Variants in C3orf70 observed in about 807,000 individuals in gnomAD.
C3orf70 encodes chromosome 3 open reading frame 70.
Under a neutral mutation model 20.7 loss-of-function variants are expected in C3orf70, and 15 were observed. The ratio of observed to expected loss-of-function variants is 0.72; its 90% CI spans 0.48 to 1.11. C3orf70 has a LOEUF of 1.11. Ranked by LOEUF, C3orf70 falls within the 50% of genes most tolerant of loss-of-function variation. The pLI is 0.00. For missense variants in C3orf70, 332 were observed against 317.6 expected, an observed-to-expected ratio of 1.05 and a Z score of -0.34; for synonymous variants, 161 against 125.7, an observed-to-expected ratio of 1.28 and a Z score of -1.88.
intron 1 of C3orf70, among the ~76,000 whole-genome samples, chr3:185,105,215 G>A (rs1313388265): frequency 2.0e-5 from 3 of 152,198 alleles, no homozygotes; most frequent in Non-Finnish European, 4.4e-5. Flanking sequence ...TTGGGAGCAG[G>A]CCCCCCAAAA....
chr3:185,090,300 G>GAA (rs1267131208), intron 1 of C3orf70, among the ~76,000 whole-genome samples: 1 of 152,096 alleles, frequency 6.6e-6, no homozygotes, highest in Non-Finnish European at 1.5e-5. Flanking sequence ...AACAAATATA[G>GAA]AAAATAAAAT....
chr3:185,151,628 A>C (rs568835023), intron 1 of C3orf70, among the ~76,000 whole-genome samples: 2 of 152,352 alleles, frequency 1.3e-5, no homozygotes, highest in South Asian at 4.1e-4. Flanking sequence ...TAATGTAAAT[A>C]AGGATTTGTT....
chr3:185,086,687 C>T (rs1377461554), intron 1 of C3orf70, among the ~76,000 whole-genome samples: 1 of 152,158 alleles, frequency 6.6e-6, no homozygotes, highest in African/African-American at 2.4e-5. Context: ...AGAAATGCAG[C>T]TGGGTGAGGA....
chr3:185,112,281 T>G (rs1395720760), intron 1 of C3orf70, among the ~76,000 whole-genome samples: 1 of 152,100 alleles, frequency 6.6e-6, no homozygotes, highest in Admixed American at 6.6e-5. Flanking sequence ...TAGAGCGAGA[T>G]TCTGTATCAA....
intron 1 of C3orf70, among the ~76,000 whole-genome samples, chr3:185,084,684 T>C (rs945846435): frequency 2.0e-5 from 3 of 152,196 alleles, no homozygotes; most frequent in African/African-American, 2.4e-5. Flanking sequence ...TCCCACATAG[T>C]TGACATGGAA....
chr3:185,130,112 C>T (rs746683234), intron 1 of C3orf70, among the ~76,000 whole-genome samples: 1 of 152,082 alleles, frequency 6.6e-6, no homozygotes, highest in Non-Finnish European at 1.5e-5. Flanking sequence ...GTCAATTATT[C>T]ACAAATTCAT....
In C3orf70 at chr3:185,081,425, AAATT is replaced by A. The variant is rs1715334614; in HGVS notation, c.*1578_*1581del. 1 of 152,180 alleles carries A rather than the reference AAATT, an allele frequency of 6.6e-6. No individual in the cohort carries two copies. The highest frequency in any genetic ancestry group is 1.5e-5 in the Non-Finnish European group (1 of 68,102). 9.4% of individuals were successfully genotyped at this position (152,180 alleles called of 1,614,324 possible). ...GGGAAACTCCATCTCAAAAAAAAAA[AAATT>A]AATGTGACGTAGAGATGTACCATAA... On this transcript the variant is annotated 3_prime_UTR_variant, in exon 2 of 2. Coordinates refer to ENST00000335012, the MANE Select transcript of C3orf70 (RefSeq NM_001025266.3).
chr3:185,126,836 C>T (rs747960593), intron 1 of C3orf70, among the ~76,000 whole-genome samples: 21 of 152,094 alleles, frequency 1.4e-4, no homozygotes, highest in Non-Finnish European at 2.9e-4. Context: ...CAAAACAAGC[C>T]CTGGAGAGAT....
rs560394998 is a variant in C3orf70, at chr3:185,144,353, C to T, written c.196+8275G>A. 7.2e-5 allele frequency among the ~76,000 whole-genome samples: 11 copies of T among 152,286 alleles called. No homozygotes were observed. In the South Asian group the frequency reaches 2.1e-3, roughly 29 times the overall value. ...ACACGAAGTCTGACTCCAGTGCCTG[C>T]CATCAGGACATCTACATTACCTAGT... On this transcript the variant is annotated intron_variant, in intron 1 of 1. Coordinates refer to ENST00000335012, the MANE Select transcript of C3orf70 (RefSeq NM_001025266.3).
intron 1 of C3orf70, among the ~76,000 whole-genome samples, chr3:185,088,844 C>T (rs1014376926): frequency 3.9e-5 from 6 of 152,158 alleles, no homozygotes; most frequent in Non-Finnish European, 8.8e-5. Context: ...TTTTAAACCA[C>T]ACACCATGAT....
At position 185,082,995 on chromosome 3, in the gene C3orf70, C is replaced by G. The variant is rs1237807160; in HGVS notation, c.*12G>C. 6.2e-7 allele frequency: 1 copy of G among 1,606,978 alleles called. No homozygotes were observed. The highest frequency in any genetic ancestry group is 8.5e-7 in the Non-Finnish European group (1 of 1,175,874). ...GGCGTGGGTCCGAGGCTGTGGCTTC[C>G]TGTCTGGACTCTCACACAGTCGTTT... On this transcript the variant is annotated 3_prime_UTR_variant, in exon 2 of 2. Coordinates refer to ENST00000335012, the MANE Select transcript of C3orf70 (RefSeq NM_001025266.3).
chr3:185,115,667 T>C (rs1716159090), intron 1 of C3orf70, among the ~76,000 whole-genome samples: 3 of 152,212 alleles, frequency 2.0e-5, no homozygotes, highest in Admixed American at 1.3e-4. Context: ...CTAAAGACAG[T>C]GTCTTAATCA....
At chr3:185,140,495 A>C (rs1418679550) in intron 1 of C3orf70, among the ~76,000 whole-genome samples, 1 of 152,216 alleles carries the variant, frequency 6.6e-6, no homozygotes, top group Non-Finnish European at 1.5e-5. Flanking sequence ...AACCAAAATC[A>C]GTCATCAATA....
At chr3:185,107,629 G>C (rs1329378434) in intron 1 of C3orf70, among the ~76,000 whole-genome samples, 1 of 152,196 alleles carries the variant, frequency 6.6e-6, no homozygotes, top group Admixed American at 6.5e-5. Flanking sequence ...GGGCTTTAGA[G>C]AAATTAGTTA....
intron 1 of C3orf70, among the ~76,000 whole-genome samples, chr3:185,108,731 T>C (rs914716895): frequency 1.3e-5 from 2 of 152,228 alleles, no homozygotes; most frequent in African/African-American, 2.4e-5. Context: ...AAATGGTACA[T>C]TCCTCATCTT....
intron 1 of C3orf70, among the ~76,000 whole-genome samples, chr3:185,107,168 G>A (rs141790193): frequency 0.052 from 7,885 of 152,158 alleles, 653 homozygotes; most frequent in African/African-American, 0.18. Flanking sequence ...AGCACTGGCC[G>A]TCCACGTGGC....
chr3:185,083,645 T>C, intron 1 of C3orf70, 82 bp from the exon 2 acceptor site: 5 of 1,198,200 alleles, frequency 4.2e-6, no homozygotes, highest in South Asian at 1.8e-5. Flanking sequence ...GAGGACTCAA[T>C]GTCTTTAAAA....
chr3:185,091,848 C>T (rs1715576098), intron 1 of C3orf70, among the ~76,000 whole-genome samples: 2 of 126,148 alleles, frequency 1.6e-5, no homozygotes, highest in South Asian at 5.3e-4. Flanking sequence ...CCACACCCAG[C>T]TATATATGTA....
At chr3:185,136,086 T>C (rs374483509) in intron 1 of C3orf70, among the ~76,000 whole-genome samples, 14 of 152,222 alleles carry the variant, frequency 9.2e-5, no homozygotes, top group South Asian at 4.1e-4. Flanking sequence ...TTTAACAGTA[T>C]AGTGAGGTTG....
Sources: gnomAD v4.1 joint callset for allele counts (sites outside exome capture counted in the v4.1 genomes callset) on GRCh38, gnomAD v4.1.1 for gene constraint, MANE v1.5 for transcripts, NCBI Gene and HGNC (gene_info 2026-07-23, HGNC 2026-07-21) for gene names.